Variants in PTPRN2 observed in about 807,000 individuals in gnomAD.
The protein encoded by PTPRN2 is protein tyrosine phosphatase receptor type N2.
PTPRN2 carries 74 observed loss-of-function variants against 118.8 expected under a neutral mutation model. The observed-to-expected ratio is 0.62, with a 90% confidence interval of 0.52 to 0.76. PTPRN2 has a LOEUF of 0.76. PTPRN2 is among the 30% of genes least tolerant of loss of function. The pLI, the probability that PTPRN2 is intolerant of heterozygous loss-of-function variation, is 0.00. For missense variants in PTPRN2, 1,481 were observed against 1,394.4 expected (o/e 1.06, Z -0.99); for synonymous variants, 641 against 608.0 (o/e 1.05, Z -0.80).
chr7:157,847,118 G>T (rs1424043538), intron 12 of PTPRN2, among the ~76,000 whole-genome samples: 1 of 132,712 alleles, frequency 7.5e-6, no homozygotes, highest in Non-Finnish European at 1.6e-5. Context: ...ATGTGTGCCC[G>T]ATGTCTACAG....
intron 21 of PTPRN2, among the ~76,000 whole-genome samples, chr7:157,564,833 G>A (rs1012922896): frequency 6.6e-6 from 1 of 152,232 alleles, no homozygotes; most frequent in Non-Finnish European, 1.5e-5. Flanking sequence ...ATCCAGGGAT[G>A]TGGGTGGACA....
At position 158,166,991 on chromosome 7, in the gene PTPRN2, C is replaced by T. The variant is rs147292950; in HGVS notation, c.850G>A (p.Ala284Thr). Residue 284 changes from alanine to threonine, a missense_variant, in exon 6 of 23, where the codon GCC (alanine) becomes ACC (threonine). Coordinates refer to ENST00000389418, the MANE Select transcript of PTPRN2 (RefSeq NM_002847.5). ...AGAGGTGAAGGCCACTTCTGGGGGG[C>T]GGCTGGTGCCAGCAAAGGCCTGGGC... ...RMPRPLLAPAAPQKWPSPLGD... is the reference protein window; with the variant it reads ...RMPRPLLAPATPQKWPSPLGD... 571 of 1,458,992 alleles carry T rather than the reference C, an allele frequency of 3.9e-4. 2 individuals carry two copies. The African/African-American group carries it at 6.3e-3, about 16-fold the overall frequency. The allele number at this position is 1,458,992 out of a possible 1,614,324, so 90.4% of individuals were successfully genotyped here. A position where few individuals can be genotyped will look rare whatever the true frequency, so the allele number is the denominator to read the frequency against.
intron 4 of PTPRN2, among the ~76,000 whole-genome samples, chr7:158,196,397 C>A (rs1036485018): frequency 6.6e-6 from 1 of 152,220 alleles, no homozygotes; most frequent in Non-Finnish European, 1.5e-5. Context: ...ACAGCTGCGT[C>A]CCCTCCCAAA....
rs186098784 is a variant in PTPRN2 at position 158,069,907 on chromosome 7, A to G, written c.1723+11391T>C. ...GAATGCAGCCTCGCGGAGTGTAACT[A>G]TTGGCCCTAGCTGACAGAGAAGGCA... On this transcript the variant is annotated intron_variant, in intron 11 of 22. Transcript: ENST00000389418. Among the ~76,000 whole-genome samples, 12 of 152,342 alleles carry G rather than the reference A, an allele frequency of 7.9e-5. No homozygotes were observed. The East Asian group carries it at 2.1e-3, about 27-fold the overall frequency.
At chr7:158,430,464 G>T (rs2129428620) in intron 2 of PTPRN2, among the ~76,000 whole-genome samples, 1 of 152,370 alleles carries the variant, frequency 6.6e-6, no homozygotes, top group South Asian at 2.1e-4. Context: ...CCCTGGGCAT[G>T]TTCCCAGAAG....
In PTPRN2 at chr7:157,708,623, G is replaced by A. The variant is rs10260249; in HGVS notation, c.1789-25686C>T. Among the ~76,000 whole-genome samples, 661 of 152,278 alleles carry A rather than the reference G, an allele frequency of 4.3e-3. 4 individuals are homozygous for A. The highest frequency in any genetic ancestry group is 0.017 in the Middle Eastern group (5 of 294). On this transcript the variant is annotated intron_variant, in intron 12 of 22. Coordinates refer to ENST00000389418, the MANE Select transcript of PTPRN2 (RefSeq NM_002847.5). ...TGACCAGAACCAGGGCAGGCCTCAT[G>A]TGTGCCCCAACTTCCGTAAAACCAC...
chr7:157,842,241 C>T (rs1334608192), intron 12 of PTPRN2, among the ~76,000 whole-genome samples: 1 of 152,102 alleles, frequency 6.6e-6, no homozygotes, highest in Non-Finnish European at 1.5e-5. Context: ...CCACACATTC[C>T]TGCTTTATGG....
intron 1 of PTPRN2, among the ~76,000 whole-genome samples, chr7:158,499,178 C>T (rs1260059050): frequency 6.6e-6 from 1 of 152,152 alleles, no homozygotes; most frequent in East Asian, 1.9e-4. Context: ...TCATCATCAT[C>T]ATCATCATGG....
intron 2 of PTPRN2, among the ~76,000 whole-genome samples, chr7:158,383,872 C>T (rs1429025924): frequency 2.0e-5 from 3 of 152,230 alleles, no homozygotes; most frequent in South Asian, 2.1e-4. Context: ...TACGTAATAA[C>T]GTCATTAGTA....
chr7:158,145,694 T>G (rs993779853), intron 6 of PTPRN2, among the ~76,000 whole-genome samples: 6 of 152,228 alleles, frequency 3.9e-5, no homozygotes, highest in African/African-American at 1.2e-4. Context: ...GCACACTTTC[T>G]CAGGCCTGAT....
Position 157,590,979 on chromosome 7 carries a change from C to T in PTPRN2, c.2496+4259G>A, listed in dbSNP as rs1403052391. On this transcript the variant is annotated intron_variant, in intron 17 of 22. Coordinates refer to ENST00000389418, the MANE Select transcript of PTPRN2 (RefSeq NM_002847.5). This position sits in a 1 kb window ranked among gnomAD's most constrained non-coding sequence, Gnocchi z 4.0. ...GAATCATGTACCCCCAAATCCATGT[C>T]CACCTGGAACCCATGAATGTGGTCT... Among the ~76,000 whole-genome samples, 1 of 152,172 alleles carries T rather than the reference C, an allele frequency of 6.6e-6. No individual in the cohort carries two copies. The highest frequency in any genetic ancestry group is 2.1e-4 in the South Asian group (1 of 4,826).
In PTPRN2 at chr7:157,550,784, A is replaced by G. The variant is rs1798561751; in HGVS notation, c.2903-1765T>C. ...CAGCCCGTGAGCTCGGCCACCAGGG[A>G]ACTAGCTGGCAGCTCACGCGGGTGG... On this transcript the variant is annotated intron_variant, in intron 21 of 22. Coordinates refer to ENST00000389418, the MANE Select transcript of PTPRN2 (RefSeq NM_002847.5). This position sits in a 1 kb window ranked among gnomAD's most constrained non-coding sequence, Gnocchi z 5.2. 6.6e-6 allele frequency among the ~76,000 whole-genome samples: 1 copy of G among 152,180 alleles called. No homozygotes were observed. The highest frequency in any genetic ancestry group is 1.5e-5 in the Non-Finnish European group (1 of 68,030).
rs374548805 is a variant in PTPRN2, at chr7:158,316,872, G to A, written c.224C>T (p.Ser75Leu). 25 of 1,611,860 alleles carry A rather than the reference G, an allele frequency of 1.6e-5. No individual in the cohort carries two copies. The highest frequency in any genetic ancestry group is 1.6e-4 in the Middle Eastern group (1 of 6,080). Residue 75 changes from serine to leucine, a missense_variant, in exon 3 of 23, where the codon TCG becomes TTG. By Grantham distance (145) the Ser-to-Leu change is moderately radical. Coordinates refer to ENST00000389418, the MANE Select transcript of PTPRN2 (RefSeq NM_002847.5). ...PAMDFYRYEVSPVALQRLRVA... is the reference protein window; with the variant it reads ...PAMDFYRYEVLPVALQRLRVA... Reference sequence around the variant, plus strand: ...GCGCAGGCGCTGCAGGGCCACGGGCGACACCTCGTAGCGGTAAAAGTCCAT... The same window carrying A: ...GCGCAGGCGCTGCAGGGCCACGGGCAACACCTCGTAGCGGTAAAAGTCCAT...
At chr7:158,307,515 T>C (rs968250608) in intron 3 of PTPRN2, among the ~76,000 whole-genome samples, 3 of 151,998 alleles carry the variant, frequency 2.0e-5, no homozygotes, top group Non-Finnish European at 4.4e-5. Flanking sequence ...AGAAAGAATA[T>C]TTGAAGAAAT....
chr7:157,875,135 T>C (rs1321636510), intron 12 of PTPRN2, among the ~76,000 whole-genome samples: 2 of 152,194 alleles, frequency 1.3e-5, no homozygotes, highest in Non-Finnish European at 2.9e-5. Flanking sequence ...ACAGGAAGTA[T>C]GTCCCAGGAG....
At chr7:157,956,032 A>G (rs1801166976) in intron 11 of PTPRN2, among the ~76,000 whole-genome samples, 2 of 152,218 alleles carry the variant, frequency 1.3e-5, no homozygotes, top group African/African-American at 4.8e-5. Context: ...ACACTGCCCC[A>G]GGCCATTCGT....
chr7:158,569,619 C>T (rs950589402), intron 1 of PTPRN2, among the ~76,000 whole-genome samples: 2 of 152,152 alleles, frequency 1.3e-5, no homozygotes, highest in South Asian at 2.1e-4. Context: ...CTGACAGGAG[C>T]GCGGGGCACA....
At chr7:158,133,099 GC>G (rs1204470609) in intron 9 of PTPRN2, among the ~76,000 whole-genome samples, 1 of 152,218 alleles carries the variant, frequency 6.6e-6, no homozygotes, top group Non-Finnish European at 1.5e-5. Context: ...CGACATGAGG[GC>G]GGGGAAAGAG....
intron 11 of PTPRN2, among the ~76,000 whole-genome samples, chr7:157,928,831 G>A (rs1799182503): frequency 1.4e-5 from 2 of 144,924 alleles, no homozygotes; most frequent in African/African-American, 5.2e-5. Context: ...GGCAGAGGGT[G>A]GGAGAGAGGG....
Sources: allele counts gnomAD v4.1 joint callset (sites outside exome capture counted in the v4.1 genomes callset), GRCh38; gene constraint gnomAD v4.1.1; non-coding constraint Gnocchi (gnomAD v3.1); transcripts MANE v1.5; gene names NCBI Gene and HGNC (gene_info 2026-07-23, HGNC 2026-07-21).